Variants in ERLIN2 observed in about 807,000 individuals in gnomAD.
ERLIN2 encodes ER lipid raft associated 2.
In ERLIN2, 22 loss-of-function variants were observed where a neutral mutation model predicts 41.5. The ratio of observed to expected loss-of-function variants is 0.53; its 90% CI spans 0.38 to 0.76. The LOEUF is 0.76. ERLIN2 is among the 30% of genes least tolerant of loss of function. The pLI, the probability that ERLIN2 is intolerant of heterozygous loss-of-function variation, is 0.00. For synonymous variants in ERLIN2, 149 were observed against 150.9 expected (o/e 0.99, Z 0.09); for missense variants, 247 against 414.3 (o/e 0.60, Z 3.51).
At chr8:37,739,458 T>C (rs955240370) in intron 2 of ERLIN2, among the ~76,000 whole-genome samples, 3 of 152,146 alleles carry the variant, frequency 2.0e-5, no homozygotes, top group Non-Finnish European at 2.9e-5. Flanking sequence ...CCAACAGATA[T>C]GACAAAGTAA....
chr8:37,738,213 A>G (rs963325407), intron 2 of ERLIN2, among the ~76,000 whole-genome samples, 184 bp downstream of exon 2: 2 of 152,214 alleles, frequency 1.3e-5, no homozygotes, highest in Non-Finnish European at 2.9e-5. Context: ...ACACATATAT[A>G]TGTAAATTTA....
At chr8:37,742,972 C>T (rs1174013077) in intron 4 of ERLIN2, among the ~76,000 whole-genome samples, 2 of 152,086 alleles carry the variant, frequency 1.3e-5, no homozygotes, top group Non-Finnish European at 2.9e-5. Context: ...CAAAGAGATC[C>T]GAAGAGAACA....
chr8:37,745,425 G>A, intron 6 of ERLIN2: 1 of 795,578 alleles, frequency 1.3e-6, no homozygotes, highest in Non-Finnish European at 2.1e-6. Context: ...TGACTTAGCA[G>A]CAAAGGAAGG....
rs1474758719 is a variant in ERLIN2, at chr8:37,756,884, GT to G, written c.*2771del. On this transcript the variant is annotated 3_prime_UTR_variant, in exon 12 of 12. Coordinates refer to ENST00000519638, the MANE Select transcript of ERLIN2 (RefSeq NM_007175.8). Reference sequence around the variant, plus strand: ...GGTTTTCCAAGGAAAAATCACCTTGGTTGAATGTTTCTCACTCATTAAACTT... The same window carrying G: ...GGTTTTCCAAGGAAAAATCACCTTGGTGAATGTTTCTCACTCATTAAACTT... 5 of 152,484 alleles carry G rather than the reference GT, an allele frequency of 3.3e-5. No homozygotes were observed. Among genetic ancestry groups the G allele is most frequent in the Non-Finnish European group, 5.9e-5 (4 of 68,024 alleles). 9.4% of individuals were successfully genotyped at this position (152,484 alleles called of 1,614,324 possible). A position where few individuals can be genotyped will look rare whatever the true frequency, so the allele number is the denominator to read the frequency against.
At chr8:37,753,861 C>T (rs1803290669) in intron 11 of ERLIN2, 54 bp from the exon 12 acceptor site, 1 of 1,511,696 alleles carries the variant, frequency 6.6e-7, no homozygotes, top group Admixed American at 1.7e-5. Flanking sequence ...CCACTCCCCT[C>T]CTTCTCTAAT....
At chr8:37,736,905 C>T (rs1224445561) in intron 1 of ERLIN2, 2 of 985,858 alleles carry the variant, frequency 2.0e-6, no homozygotes, top group South Asian at 4.7e-5. Context: ...GCGCTTGACC[C>T]TCTCTCGGAA....
Position 37,756,277 on chromosome 8 carries a change from CT to C in ERLIN2, c.*2164del, listed in dbSNP as rs1803357941. 6.6e-6 allele frequency: 1 copy of C among 152,256 alleles called. No individual in the cohort carries two copies. The highest frequency in any genetic ancestry group is 2.4e-5 in the African/African-American group (1 of 41,456). The allele number at this position is 152,256 out of a possible 1,614,324, so 9.4% of individuals were successfully genotyped here. A position where few individuals can be genotyped will look rare whatever the true frequency, so the allele number is the denominator to read the frequency against. On this transcript the variant is annotated 3_prime_UTR_variant, in exon 12 of 12. Transcript: ENST00000519638. ...CCTCCCATTTCCGTGCTATTAATCA[CT>C]TGTTAGAGCAACATGACATGCCCAG...
intron 10 of ERLIN2, among the ~76,000 whole-genome samples, chr8:37,752,206 C>G (rs548087435): frequency 1.3e-5 from 2 of 152,310 alleles, no homozygotes; most frequent in African/African-American, 2.4e-5. Flanking sequence ...CAGACAGGAG[C>G]TGGAGAGAAA....
In ERLIN2 at chr8:37,749,926, C is replaced by T. The variant is rs1043390289; in HGVS notation, c.557+74C>T. The T allele has an allele frequency of 3.1e-6, 4 of 1,273,454 alleles. No individual in the cohort carries two copies. The African/African-American group carries it at 4.4e-5, about 14-fold the overall frequency. 78.9% of individuals were successfully genotyped at this position (1,273,454 alleles called of 1,614,324 possible). On this transcript the variant is annotated intron_variant, in intron 8 of 11. Transcript: ENST00000519638. ...CCACCTCGTCCCATCCCAGAGGTAACCAAAGCTGCCAGGCTTCTCGGTTAT... is the reference window on the plus strand; with the variant it reads ...CCACCTCGTCCCATCCCAGAGGTAATCAAAGCTGCCAGGCTTCTCGGTTAT...
chr8:37,753,460 T>G lies in ERLIN2; in HGVS notation c.750T>G (p.Phe250Leu). 1.9e-6 allele frequency: 3 copies of G among 1,614,132 alleles called. No homozygotes were observed. The highest frequency in any genetic ancestry group is 2.5e-6 in the Non-Finnish European group (3 of 1,179,978). The stretch of plus-strand genomic sequence containing the variant: ...CTCCTTCCCCCTCAGATGCTGCATT[T>G]CTGGCCCGGGAGAAGGCAAAGGCAG... ...KKISEIEDAA[F>L]LAREKAKADA... The change falls in exon 11 of 12, where the codon TTT (phenylalanine) becomes TTG (leucine). Residue 250 changes from phenylalanine (F) to leucine (L), a missense_variant. Phe to Leu is a conservative substitution (Grantham distance 22). Transcript: ENST00000519638.
At position 37,750,528 on chromosome 8, in the gene ERLIN2, G is replaced by A. The variant is rs777883782; in HGVS notation, c.649+42G>A. The A allele has an allele frequency of 2.6e-6, 4 of 1,540,916 alleles. No homozygotes were observed. In the South Asian group the frequency reaches 4.5e-5, roughly 17 times the overall value. ...GTGATCCCCCTTTCCAGGCAGAAAG[G>A]CTGGGGGTGGTGGGAAGATGCAAGG... On this transcript the variant is annotated intron_variant, in intron 9 of 11. Coordinates refer to ENST00000519638, the MANE Select transcript of ERLIN2 (RefSeq NM_007175.8).
In ERLIN2 at chr8:37,742,391, A is replaced by G. The variant is rs553517356; in HGVS notation, c.236+573A>G. On this transcript the variant is annotated intron_variant, in intron 4 of 11. Coordinates refer to ENST00000519638, the MANE Select transcript of ERLIN2 (RefSeq NM_007175.8). Reference sequence around the variant, plus strand: ...GATCACTAGTCACAATAACAAAGACATGGAATCAACCCAAATGCCCATCAA... The same window carrying G: ...GATCACTAGTCACAATAACAAAGACGTGGAATCAACCCAAATGCCCATCAA... 6.6e-5 allele frequency among the ~76,000 whole-genome samples: 10 copies of G among 152,156 alleles called. No homozygotes were observed. The South Asian group carries it at 2.1e-3, about 32-fold the overall frequency.
intron 6 of ERLIN2, chr8:37,745,080 C>T: frequency 1.8e-6 from 1 of 549,530 alleles, no homozygotes; most frequent in East Asian, 2.9e-5. Flanking sequence ...GCTGAGGGTA[C>T]TGTGACCCAA....
rs562708100 is a variant in ERLIN2 at position 37,742,485 on chromosome 8, A to G, written c.236+667A>G. On this transcript the variant is annotated intron_variant, in intron 4 of 11. Transcript: ENST00000519638. ...ATACTATGCAGCCATAAAAAGGAAC[A>G]AGATCATGTCCTTTGCACGGGACAT... Among the ~76,000 whole-genome samples, 233 of 74,608 alleles carry G rather than the reference A, an allele frequency of 3.1e-3. 1 individual carries two copies. Among genetic ancestry groups the G allele is most frequent in the Non-Finnish European group, 5.5e-3 (214 of 38,882 alleles). The allele number at this position is 74,608 out of a possible 152,430, so 48.9% of individuals were successfully genotyped here. A position where few individuals can be genotyped will look rare whatever the true frequency, so the allele number is the denominator to read the frequency against.
At chr8:37,752,597 C>T (rs555201745) in intron 10 of ERLIN2, among the ~76,000 whole-genome samples, 15 of 152,282 alleles carry the variant, frequency 9.9e-5, no homozygotes, top group East Asian at 7.7e-4. Context: ...TCCTTCCACG[C>T]GGGGTCACAC....
At chr8:37,743,096 G>A (rs994982862) in intron 4 of ERLIN2, among the ~76,000 whole-genome samples, 7 of 152,188 alleles carry the variant, frequency 4.6e-5, no homozygotes, top group African/African-American at 1.4e-4. Flanking sequence ...CCACAAGATC[G>A]CAGGCCTGAT....
chr8:37,745,197 G>T lies in ERLIN2; in HGVS notation c.424+501G>T, dbSNP rs558158359. 8.8e-6 allele frequency: 4 copies of T among 452,172 alleles called. No homozygotes were observed. In the Admixed American group the frequency reaches 1.2e-4, roughly 13 times the overall value. 28.0% of individuals were successfully genotyped at this position (452,172 alleles called of 1,614,324 possible). On this transcript the variant is annotated intron_variant, in intron 6 of 11. Transcript: ENST00000519638. ...TCTCACCATGCAACACTGAATGGAG[G>T]GCCCCCAGGAATGGGTGATGAAAAA...
At chr8:37,743,127 T>C (rs1233712517) in intron 4 of ERLIN2, among the ~76,000 whole-genome samples, 1 of 152,170 alleles carries the variant, frequency 6.6e-6, no homozygotes, top group East Asian at 1.9e-4. Flanking sequence ...AGTGGTTGTA[T>C]TTAGAGGGAT....
chr8:37,746,881 A>G (rs1304887316), intron 6 of ERLIN2, among the ~76,000 whole-genome samples: 1 of 152,256 alleles, frequency 6.6e-6, no homozygotes, highest in African/African-American at 2.4e-5. Flanking sequence ...TTCTAAGAAC[A>G]GAGACAGAGT....
Sources: allele counts gnomAD v4.1 joint callset (sites outside exome capture counted in the v4.1 genomes callset), GRCh38; gene constraint gnomAD v4.1.1; transcripts MANE v1.5; gene names NCBI Gene and HGNC (gene_info 2026-07-23, HGNC 2026-07-21).